Variants in FAIM2 observed in about 807,000 individuals in gnomAD.
The protein encoded by FAIM2 is Fas apoptotic inhibitory molecule 2, also known as protein lifeguard 2.
In FAIM2, 27 loss-of-function variants were observed where a neutral mutation model predicts 47.4. The ratio of observed to expected loss-of-function variants is 0.57; its 90% CI spans 0.42 to 0.78. The LOEUF (loss-of-function observed/expected upper bound fraction) is 0.78. Ranked by LOEUF, FAIM2 falls within the 30% of genes least tolerant of loss-of-function variation. The probability of loss-of-function intolerance (pLI) is 0.00; values close to 1 mark genes in which losing one functional copy is unlikely to be tolerated. For synonymous variants in FAIM2, 156 were observed against 159.3 expected, an observed-to-expected ratio of 0.98 and a Z score of 0.16; for missense variants, 311 against 389.4, an observed-to-expected ratio of 0.80 and a Z score of 1.69.
intron 2 of FAIM2, among the ~76,000 whole-genome samples, chr12:49,898,808 ATGAGCCAC>A (rs1222886100): frequency 2.0e-5 from 3 of 152,144 alleles, no homozygotes; most frequent in Non-Finnish European, 4.4e-5. Context: ...GATTACAGGT[ATGAGCCAC>A]TGTGCCCAGC....
chr12:49,897,403 T>C, intron 4 of FAIM2, 116 bp downstream of exon 4: 2 of 973,832 alleles, frequency 2.1e-6, no homozygotes, highest in Non-Finnish European at 3.2e-6. Context: ...GGAGGCCCAC[T>C]GCCCCACAGG....
intron 2 of FAIM2, chr12:49,900,320 G>T: frequency 2.4e-6 from 2 of 845,320 alleles, no homozygotes; most frequent in Non-Finnish European, 3.2e-6. Flanking sequence ...TGGAGGTGGG[G>T]TGATAAAGTG....
intron 5 of FAIM2, 30 bp from the exon 6 acceptor site, chr12:49,891,144 G>T (rs758023749): frequency 6.2e-7 from 1 of 1,608,190 alleles, no homozygotes; most frequent in South Asian, 1.1e-5. Context: ...AGGTGAGTCA[G>T]CCAGCCTCTC....
chr12:49,901,328 A>G lies in FAIM2; in HGVS notation c.16-3T>C. ...GGGGCCTTGTTAGCCACGGAGAGCT[A>G]TGGAGTAGAGTCAGAGAGAGAGATA... On this transcript the variant is annotated splice_polypyrimidine_tract_variant and splice_region_variant and intron_variant, in intron 1 of 11. Coordinates refer to ENST00000320634, the MANE Select transcript of FAIM2 (RefSeq NM_012306.4). 1 of 1,569,938 alleles carries G rather than the reference A, an allele frequency of 6.4e-7. No individual in the cohort carries two copies. Among genetic ancestry groups the G allele is most frequent in the Non-Finnish European group, 8.6e-7 (1 of 1,162,278 alleles).
chr12:49,883,447 C>T (rs543893445), intron 11 of FAIM2, among the ~76,000 whole-genome samples: 21 of 151,946 alleles, frequency 1.4e-4, no homozygotes, highest in African/African-American at 4.8e-4. Flanking sequence ...GGCATTTGTC[C>T]TGAGTGACAG....
intron 11 of FAIM2, among the ~76,000 whole-genome samples, chr12:49,881,536 C>A (rs1037502754): frequency 6.6e-6 from 1 of 152,118 alleles, no homozygotes; most frequent in African/African-American, 2.4e-5. Flanking sequence ...GTCTCAGCTG[C>A]GGCTAGAAGC....
At chr12:49,886,758 G>A (rs894845562) in intron 11 of FAIM2, among the ~76,000 whole-genome samples, 7 of 152,080 alleles carry the variant, frequency 4.6e-5, no homozygotes, top group African/African-American at 1.7e-4. Context: ...TTATAGGCGT[G>A]AGCCACCGTG....
intron 5 of FAIM2, 104 bp downstream of exon 5, chr12:49,896,927 G>A (rs1308571331): frequency 1.1e-6 from 1 of 920,378 alleles, no homozygotes; most frequent in Non-Finnish European, 1.8e-6. Flanking sequence ...CTGTGGGGCT[G>A]GGGGAAGCTA....
intron 10 of FAIM2, among the ~76,000 whole-genome samples, chr12:49,888,042 A>T (rs1382405742): frequency 6.6e-6 from 1 of 152,130 alleles, no homozygotes; most frequent in Non-Finnish European, 1.5e-5. Flanking sequence ...CTGTGGGGGA[A>T]ACTCTGCAGG....
Position 49,887,624 on chromosome 12 carries a change from G to A in FAIM2, c.748-185C>T, listed in dbSNP as rs901276265. 7.2e-5 allele frequency among the ~76,000 whole-genome samples: 11 copies of A among 152,140 alleles called. No individual in the cohort carries two copies. The East Asian group carries it at 1.2e-3, about 16-fold the overall frequency. ...GCCCAGGGTGGGTGAAGTGAGGCCC[G>A]GGATAAGAGCGATCCTGGTGGGACT... On this transcript the variant is annotated intron_variant, in intron 10 of 11. Coordinates refer to ENST00000320634, the MANE Select transcript of FAIM2 (RefSeq NM_012306.4).
At chr12:49,878,246 ATG>A (rs1675555199) in intron 11 of FAIM2, among the ~76,000 whole-genome samples, 1 of 118,898 alleles carries the variant, frequency 8.4e-6, no homozygotes, top group Admixed American at 9.8e-5. Context: ...ATGTGTGTAT[ATG>A]TGAGTGTATG....
intron 1 of FAIM2, chr12:49,902,482 C>T (rs1388349053): frequency 6.6e-6 from 1 of 152,234 alleles, no homozygotes; most frequent in Non-Finnish European, 1.5e-5. Flanking sequence ...CCAAGGACCA[C>T]TGAACTGGAG....
chr12:49,897,724 C>T (rs1033271749), intron 3 of FAIM2, 141 bp from the exon 4 acceptor site: 2 of 676,980 alleles, frequency 3.0e-6, no homozygotes, highest in African/African-American at 1.8e-5. Context: ...GAACCCAGGG[C>T]AAGGCGAAAG....
intron 11 of FAIM2, among the ~76,000 whole-genome samples, chr12:49,885,066 C>CT (rs1946852162): frequency 6.6e-6 from 1 of 152,258 alleles, no homozygotes; most frequent in Non-Finnish European, 1.5e-5. Flanking sequence ...CCCCCACTCC[C>CT]TGGCCAGACT....
intron 11 of FAIM2, among the ~76,000 whole-genome samples, chr12:49,879,590 TTGTGTGCATGCGAGTGTATG>T (rs1946786758): frequency 7.0e-6 from 1 of 142,386 alleles, no homozygotes; most frequent in African/African-American, 2.6e-5. Context: ...ATATGTGTAT[TTGTGTGCATGCGAGTGTATG>T]TGTGTGCATG....
chr12:49,897,592 G>A lies in FAIM2; in HGVS notation c.316-9C>T, dbSNP rs2137105891. The A allele has an allele frequency of 1.9e-6, 3 of 1,611,174 alleles. No homozygotes were observed. Among genetic ancestry groups the A allele is most frequent in the East Asian group, 2.2e-5 (1 of 44,690 alleles). On this transcript the variant is annotated splice_polypyrimidine_tract_variant and intron_variant, in intron 3 of 11. Transcript: ENST00000320634. ...AGCAGGATGGTGTAGACCTGGGGGT[G>A]GGAGGGGTTCTACTCAGCTTGGGGG... is the stretch of plus-strand genomic sequence containing the variant.
rs1946997678 is a variant in FAIM2 at position 49,903,803 on chromosome 12, C to T, written c.-11G>A. 30 of 1,542,568 alleles carry T rather than the reference C, an allele frequency of 1.9e-5. No homozygotes were observed. Among genetic ancestry groups the T allele is most frequent in the Non-Finnish European group, 2.6e-5 (30 of 1,143,056 alleles). On this transcript the variant is annotated 5_prime_UTR_variant, in exon 1 of 12. Coordinates refer to ENST00000320634, the MANE Select transcript of FAIM2 (RefSeq NM_012306.4). ...CTTTCCCTGGGTCATGGTGCCGTCT[C>T]TCGGGGAAGGGGTCCCTGAGGCCCG...
intron 11 of FAIM2, among the ~76,000 whole-genome samples, chr12:49,880,597 T>TA (rs1491497278): frequency 6.9e-6 from 1 of 145,956 alleles, no homozygotes; most frequent in African/African-American, 2.6e-5. Context: ...TGTGCATGTG[T>TA]ATGTGTGTGC....
At chr12:49,897,410 C>T (rs1946945455) in intron 4 of FAIM2, 109 bp downstream of exon 4, 1 of 1,041,200 alleles carries the variant, frequency 9.6e-7, no homozygotes. Flanking sequence ...CACTGCCCCA[C>T]AGGCATCTCT....
Sources: allele counts gnomAD v4.1 joint callset (sites outside exome capture counted in the v4.1 genomes callset), GRCh38; gene constraint gnomAD v4.1.1; transcripts MANE v1.5; gene names NCBI Gene and HGNC (gene_info 2026-07-23, HGNC 2026-07-21).